Variants in TNFAIP8 observed in about 807,000 individuals in gnomAD.
TNFAIP8 encodes TNF alpha induced protein 8.
TNFAIP8 carries 7 observed loss-of-function variants against 13.3 expected under a neutral mutation model. That is an observed-to-expected ratio of 0.52 (90% CI 0.30 to 0.99). TNFAIP8 has a LOEUF of 0.99. Among genes scored for constraint, TNFAIP8 ranks in the 50% least tolerant of loss-of-function variants. TNFAIP8 has a pLI of 0.07. For missense variants in TNFAIP8, 258 were observed against 236.9 expected (o/e 1.09, Z -0.58); for synonymous variants, 94 against 87.6 (o/e 1.07, Z -0.41).
chr5:119,319,864 A>T (rs1013828601), intron 1 of TNFAIP8, among the ~76,000 whole-genome samples: 1 of 152,226 alleles, frequency 6.6e-6, no homozygotes, highest in African/African-American at 2.4e-5. Flanking sequence ...ACAAGGTGGG[A>T]CAGGAGTTAC....
chr5:119,338,397 A>T (rs1217631986), intron 1 of TNFAIP8, among the ~76,000 whole-genome samples: 1 of 151,710 alleles, frequency 6.6e-6, no homozygotes, highest in African/African-American at 2.4e-5. Context: ...TACCTTACAG[A>T]CCCCCTACCC....
At position 119,281,594 on chromosome 5, in the gene TNFAIP8, A is replaced by T. The variant is rs187929993; in HGVS notation, c.1+12687A>T. ...CCATTACCAGCTATGATTACTGAAA[A>T]CAATAAAAATAATTTCTTTGGCATA... On this transcript the variant is annotated intron_variant, in intron 1 of 1. Coordinates refer to the TNFAIP8 transcript ENST00000274456. Among the ~76,000 whole-genome samples the T allele has an allele frequency of 1.3e-3, 201 of 152,344 alleles. 1 individual carries two copies. The highest frequency in any genetic ancestry group is 6.4e-3 in the South Asian group (31 of 4,824).
At chr5:119,284,526 C>T (rs1748720401) in intron 1 of TNFAIP8, among the ~76,000 whole-genome samples, 1 of 151,794 alleles carries the variant, frequency 6.6e-6, no homozygotes, top group South Asian at 2.1e-4. Context: ...AATAAAAATA[C>T]AAAAATTAGC....
intron 1 of TNFAIP8, among the ~76,000 whole-genome samples, chr5:119,297,884 C>A (rs1193913040): frequency 6.6e-6 from 1 of 150,778 alleles, no homozygotes; most frequent in Non-Finnish European, 1.5e-5. Flanking sequence ...CTCTTTTGAT[C>A]TTTGTTGGTT....
chr5:119,392,993 A>T lies in TNFAIP8; in HGVS notation c.209A>T (p.Lys70Met), dbSNP rs775590126. 2 of 1,612,952 alleles carry T rather than the reference A, an allele frequency of 1.2e-6. No homozygotes were observed. The highest frequency in any genetic ancestry group is 1.7e-5 in the Admixed American group (1 of 59,844). The part of the protein sequence containing the change: ...EYTQNKKEAE[K>M]IIKNLIKTVI... ...ACCCAAAACAAGAAGGAGGCAGAGA[A>T]GATCATCAAGAACCTCATCAAGACA... The change falls in exon 2 of 2, where the codon AAG becomes ATG. Residue 70 changes from lysine to methionine, a missense_variant. Physicochemically the swap from Lys to Met is moderately conservative, Grantham distance 95 (BLOSUM62 -1). Transcript: ENST00000504771.
At chr5:119,350,842 A>G (rs911977455) in intron 1 of TNFAIP8, among the ~76,000 whole-genome samples, 11 of 152,150 alleles carry the variant, frequency 7.2e-5, no homozygotes, top group Non-Finnish European at 1.3e-4. Context: ...CTCCACACTC[A>G]TCCTCAGCAT....
chr5:119,351,793 TTTC>T (rs1459832489), upstream of TNFAIP8, among the ~76,000 whole-genome samples: 35 of 133,602 alleles, frequency 2.6e-4, 1 homozygote, highest in South Asian at 4.5e-4. Context: ...TTTTTCTTTT[TTTC>T]TTTTTTTTTT....
intron 1 of TNFAIP8, among the ~76,000 whole-genome samples, chr5:119,290,655 G>C (rs1748954135): frequency 6.6e-6 from 1 of 152,174 alleles, no homozygotes. Context: ...CAGGAGGTGG[G>C]AATCATTGGG....
chr5:119,293,098 T>A (rs1339222298), intron 1 of TNFAIP8, among the ~76,000 whole-genome samples: 1 of 152,212 alleles, frequency 6.6e-6, no homozygotes, highest in African/African-American at 2.4e-5. Context: ...AAAAACTGTA[T>A]ATACATGTGT....
intron 1 of TNFAIP8, among the ~76,000 whole-genome samples, chr5:119,306,797 GT>G (rs909807549): frequency 1.3e-5 from 2 of 152,166 alleles, no homozygotes; most frequent in Non-Finnish European, 2.9e-5. Context: ...TGTTTCAGAA[GT>G]AATATGTATT....
intron 1 of TNFAIP8, among the ~76,000 whole-genome samples, chr5:119,333,857 A>G (rs1350998392): frequency 1.3e-5 from 2 of 152,202 alleles, no homozygotes; most frequent in African/African-American, 4.8e-5. Context: ...TTGTGGGTGG[A>G]AAAATGACAT....
chr5:119,349,609 C>T (rs946273477), intron 1 of TNFAIP8, among the ~76,000 whole-genome samples: 1 of 152,176 alleles, frequency 6.6e-6, no homozygotes, highest in Non-Finnish European at 1.5e-5. Flanking sequence ...AGCCCATATC[C>T]GATGAGGCTT....
At chr5:119,372,890 G>T (rs1326040085) in intron 1 of TNFAIP8, among the ~76,000 whole-genome samples, 1 of 152,170 alleles carries the variant, frequency 6.6e-6, no homozygotes, top group Admixed American at 6.5e-5. Context: ...GAACCTGGGA[G>T]GCAGAGGTTT....
At chr5:119,379,211 G>A (rs1752393127) in intron 1 of TNFAIP8, among the ~76,000 whole-genome samples, 1 of 152,314 alleles carries the variant, frequency 6.6e-6, no homozygotes, top group East Asian at 1.9e-4. Flanking sequence ...CTGTAAAAGA[G>A]AGTGAAGGGT....
rs561316519 is a variant in TNFAIP8 at position 119,387,706 on chromosome 5, C to A, written c.32-5110C>A. Among the ~76,000 whole-genome samples the A allele has an allele frequency of 6.6e-5, 10 of 152,140 alleles. 1 individual carries two copies. Among genetic ancestry groups the A allele is most frequent in the Admixed American group, 6.5e-4 (10 of 15,286 alleles). On this transcript the variant is annotated intron_variant, in intron 1 of 1. Transcript: ENST00000504771. Reference sequence around the variant, plus strand: ...TAACTTTATAATTTTGATGCTAAAGCCAGAATTCCCTAAATATCACTTTGC... The same window carrying A: ...TAACTTTATAATTTTGATGCTAAAGACAGAATTCCCTAAATATCACTTTGC...
intron 1 of TNFAIP8, among the ~76,000 whole-genome samples, chr5:119,348,880 CAAAAAAAAAAA>C (rs60633145): frequency 0.33 from 30,056 of 90,942 alleles, 3,630 homozygotes; most frequent in Non-Finnish European, 0.42. Flanking sequence ...AACTCCATCT[CAAAAAAAAAAA>C]AAAAAAAAAA....
intron 1 of TNFAIP8, among the ~76,000 whole-genome samples, chr5:119,313,176 C>A (rs1295541076): frequency 6.6e-6 from 1 of 152,132 alleles, no homozygotes; most frequent in Non-Finnish European, 1.5e-5. Context: ...TCGTATTTGT[C>A]ATTTTTGTTA....
chr5:119,307,198 C>G (rs1213855439), intron 1 of TNFAIP8, among the ~76,000 whole-genome samples: 1 of 152,146 alleles, frequency 6.6e-6, no homozygotes, highest in African/African-American at 2.4e-5. Context: ...TATTCTAAAT[C>G]CATATTAAGA....
rs528781323 is a variant in TNFAIP8, at chr5:119,282,401, G to A, written c.1+13494G>A. ...CCCATCCCTTTGCCTCTTTTCCTCT[G>A]ATCTGGTGAGGCTTTGCCTTTGTGC... On this transcript the variant is annotated intron_variant, in intron 1 of 1. Transcript: ENST00000274456. 5.3e-5 allele frequency among the ~76,000 whole-genome samples: 8 copies of A among 152,252 alleles called. No homozygotes were observed. In the East Asian group the frequency reaches 1.5e-3, roughly 29 times the overall value.
Sources: allele counts gnomAD v4.1 joint callset (sites outside exome capture counted in the v4.1 genomes callset), GRCh38; gene constraint gnomAD v4.1.1; transcripts MANE v1.5; gene names NCBI Gene and HGNC (gene_info 2026-07-23, HGNC 2026-07-21).